The following FARS2 variants were observed in gnomAD, a reference collection of about 807,000 sequenced individuals.
FARS2 encodes phenylalanyl-tRNA synthetase 2, mitochondrial.
Under a neutral mutation model 46.4 loss-of-function variants are expected in FARS2, and 40 were observed. The observed-to-expected ratio is 0.86, with a 90% CI of 0.67 to 1.12. The LOEUF (loss-of-function observed/expected upper bound fraction) is 1.12, where lower values mean the gene tolerates loss of function less well. FARS2 is among the 50% of genes most tolerant of loss of function. The pLI, the probability that FARS2 is intolerant of heterozygous loss-of-function variation, is 0.00. For synonymous variants in FARS2, 234 were observed against 214.9 expected (o/e 1.09, Z -0.78); for missense variants, 513 against 567.9 (o/e 0.90, Z 0.98).
At chr6:5,367,877 T>C (rs1429369448) in intron 1 of FARS2, among the ~76,000 whole-genome samples, 2 of 152,220 alleles carry the variant, frequency 1.3e-5, no homozygotes, top group African/African-American at 2.4e-5. Flanking sequence ...TTGTACAATA[T>C]TTCCTGAGAT....
chr6:5,512,020 C>CA lies in FARS2; in HGVS notation c.905-33158dup, dbSNP rs1768487941. ...GTGAGTATATTCTAGGGACTTCAGC[C>CA]AAGTGCTTTGCTATAATCAGAATAT... On this transcript the variant is annotated intron_variant, in intron 4 of 6. Coordinates refer to ENST00000274680, the MANE Select transcript of FARS2 (RefSeq NM_006567.5). 3.3e-5 allele frequency among the ~76,000 whole-genome samples: 5 copies of CA among 152,284 alleles called. No homozygotes were observed. The South Asian group carries it at 1.0e-3, about 32-fold the overall frequency.
chr6:5,609,622 A>G lies in FARS2; in HGVS notation c.1066-3547A>G. On this transcript the variant is annotated intron_variant, in intron 5 of 6. Coordinates refer to ENST00000274680, the MANE Select transcript of FARS2 (RefSeq NM_006567.5). ...CCACTTCACCTCTTTGGCTGAAAGAAGCACTCACCATCTCTTGCTTTGACA... is the reference window on the plus strand; with the variant it reads ...CCACTTCACCTCTTTGGCTGAAAGAGGCACTCACCATCTCTTGCTTTGACA... 1.2e-5 allele frequency: 14 copies of G among 1,205,036 alleles called. No individual in the cohort carries two copies. In the South Asian group the frequency reaches 1.7e-4, roughly 15 times the overall value. The allele number at this position is 1,205,036 out of a possible 1,614,324, so 74.6% of individuals were successfully genotyped here. A position where few individuals can be genotyped will look rare whatever the true frequency, so the allele number is the denominator to read the frequency against.
Position 5,348,793 on chromosome 6 carries a change from A to G in FARS2, c.-21-19757A>G, listed in dbSNP as rs991215278. ...GGAAAAATTCAATACTCATACAAAT[A>G]AAAACTCTCAACAAACTAGGGATAA... On this transcript the variant is annotated intron_variant, in intron 1 of 6. Transcript: ENST00000274680. Among the ~76,000 whole-genome samples, 7 of 152,214 alleles carry G rather than the reference A, an allele frequency of 4.6e-5. No individual in the cohort carries two copies. The East Asian group carries it at 1.4e-3, about 30-fold the overall frequency.
chr6:5,673,637 A>G (rs1258679716), intron 6 of FARS2, among the ~76,000 whole-genome samples: 1 of 152,166 alleles, frequency 6.6e-6, no homozygotes, highest in Non-Finnish European at 1.5e-5. Context: ...AAACATGGGA[A>G]CTTTCCAAGA....
At chr6:5,599,539 C>T (rs1021657613) in intron 5 of FARS2, among the ~76,000 whole-genome samples, 18 of 152,198 alleles carry the variant, frequency 1.2e-4, no homozygotes, top group African/African-American at 4.3e-4. Context: ...GAGAAGTTCT[C>T]TGTATTTCTT....
intron 2 of FARS2, among the ~76,000 whole-genome samples, chr6:5,380,272 A>G (rs1234834633): frequency 6.6e-6 from 1 of 152,218 alleles, no homozygotes; most frequent in East Asian, 1.9e-4. Context: ...CTAAGATCTC[A>G]GGAAAATTAT....
intron 6 of FARS2, among the ~76,000 whole-genome samples, chr6:5,770,608 A>G (rs908707462): frequency 2.6e-5 from 4 of 152,200 alleles, no homozygotes; most frequent in Admixed American, 1.3e-4. Flanking sequence ...CATGAGATCA[A>G]CTGACCAGTG....
chr6:5,362,548 C>T (rs1387248462), intron 1 of FARS2, among the ~76,000 whole-genome samples: 2 of 152,154 alleles, frequency 1.3e-5, no homozygotes, highest in African/African-American at 2.4e-5. Context: ...CAAGGGGGTG[C>T]AGATGTCTCT....
chr6:5,394,810 C>A (rs147428482), intron 2 of FARS2, among the ~76,000 whole-genome samples: 28 of 151,742 alleles, frequency 1.8e-4, no homozygotes, highest in African/African-American at 6.8e-4. Flanking sequence ...TAAATAACTG[C>A]AATATAAAAA....
At chr6:5,633,932 A>G (rs1013737518) in intron 6 of FARS2, among the ~76,000 whole-genome samples, 1 of 152,164 alleles carries the variant, frequency 6.6e-6, no homozygotes, top group African/African-American at 2.4e-5. Flanking sequence ...ATTTGTTACA[A>G]ATTTTTCAAG....
chr6:5,443,263 A>T (rs150142923), intron 4 of FARS2, among the ~76,000 whole-genome samples: 6 of 152,342 alleles, frequency 3.9e-5, no homozygotes, highest in Admixed American at 3.9e-4. Context: ...TGAGTGAGCA[A>T]ATAAAAGGTG....
chr6:5,346,596 A>T (rs9392674), intron 1 of FARS2, among the ~76,000 whole-genome samples: 2,330 of 152,238 alleles, frequency 0.015, 49 homozygotes, highest in South Asian at 0.089. Context: ...TCCCACCAAC[A>T]TTTTATTATG....
intron 4 of FARS2, among the ~76,000 whole-genome samples, chr6:5,484,616 T>C (rs772128811): frequency 5.3e-5 from 8 of 152,216 alleles, no homozygotes; most frequent in African/African-American, 1.9e-4. Context: ...TACTGAAGTC[T>C]CACGTGTAAC....
chr6:5,545,984 T>C (rs1276511074), intron 5 of FARS2, among the ~76,000 whole-genome samples: 1 of 151,842 alleles, frequency 6.6e-6, no homozygotes, highest in Non-Finnish European at 1.5e-5. Context: ...AAAAATTAGC[T>C]GGGCATGGTG....
rs140589763 is a variant in FARS2 at position 5,368,888 on chromosome 6, G to A, written c.318G>A (p.Gly106=). 4.3e-5 allele frequency: 69 copies of A among 1,614,122 alleles called. 1 individual carries two copies. In the East Asian group the frequency reaches 1.5e-3, roughly 35 times the overall value. ...HFYKQYVGRF[G]TPLFSVYDNL... is the part of the protein sequence containing the mutation. ...ACAAGCAGTATGTGGGCCGCTTTGG[G>A]ACCCCGTTGTTCTCGGTCTACGACA... is the stretch of plus-strand genomic sequence containing the variant. The change falls in exon 2 of 7, where the codon GGG becomes GGA. Residue 106 remains glycine (G), a synonymous_variant. Transcript: ENST00000274680.
chr6:5,644,720 T>C (rs1776992796), intron 6 of FARS2, among the ~76,000 whole-genome samples: 1 of 152,232 alleles, frequency 6.6e-6, no homozygotes, highest in African/African-American at 2.4e-5. Context: ...ACCTACCTGT[T>C]CTAAACTATC....
At chr6:5,345,447 C>T (rs1757169211) in intron 1 of FARS2, among the ~76,000 whole-genome samples, 1 of 152,084 alleles carries the variant, frequency 6.6e-6, no homozygotes, top group Non-Finnish European at 1.5e-5. Context: ...GTCACTTCAC[C>T]CCGAGGTACA....
At chr6:5,543,382 T>TC (rs1484761378) in intron 4 of FARS2, among the ~76,000 whole-genome samples, 3 of 151,528 alleles carry the variant, frequency 2.0e-5, no homozygotes, top group African/African-American at 7.3e-5. Context: ...TGGTGGTTTT[T>TC]TTTTTTTTTT....
At chr6:5,380,971 A>AT (rs1554170885) in intron 2 of FARS2, among the ~76,000 whole-genome samples, 3 of 119,144 alleles carry the variant, frequency 2.5e-5, no homozygotes, top group East Asian at 2.2e-4. Flanking sequence ...CATTATAGCA[A>AT]TTATTTATTT....
Sources: allele counts gnomAD v4.1 joint callset (sites outside exome capture counted in the v4.1 genomes callset), GRCh38; gene constraint gnomAD v4.1.1; transcripts MANE v1.5; gene names NCBI Gene and HGNC (gene_info 2026-07-23, HGNC 2026-07-21).